The following UTP11 variants were observed in gnomAD, a reference collection of about 807,000 sequenced individuals.
UTP11 encodes the protein probable U3 small nucleolar RNA-associated protein 11.
Under a neutral mutation model 39.0 loss-of-function variants are expected in UTP11, and 29 were observed. The ratio of observed to expected loss-of-function variants is 0.74; its 90% confidence interval spans 0.55 to 1.01. The LOEUF is 1.01. Among genes scored for constraint, UTP11 ranks in the 50% least tolerant of loss-of-function variants. The pLI, the probability that UTP11 is intolerant of heterozygous loss-of-function variation, is 0.00. For missense variants in UTP11, 281 were observed against 306.0 expected (o/e 0.92, Z 0.61); for synonymous variants, 111 against 105.0 (o/e 1.06, Z -0.35).
intron 1 of UTP11, among the ~76,000 whole-genome samples, chr1:38,013,439 C>T (rs1646689344): frequency 6.6e-6 from 1 of 152,184 alleles, no homozygotes. Flanking sequence ...CAGTTACAAA[C>T]ACCAGATTCA....
At position 38,017,396 on chromosome 1, in the gene UTP11, A is replaced by G. The variant is rs1221382858; in HGVS notation, c.126-272A>G. 10 of 286,354 alleles carry G rather than the reference A, an allele frequency of 3.5e-5. No homozygotes were observed. The East Asian group carries it at 3.9e-4, about 11-fold the overall frequency. 17.7% of individuals were successfully genotyped at this position (286,354 alleles called of 1,614,324 possible). On this transcript the variant is annotated intron_variant, in intron 2 of 7. Transcript: ENST00000373014. ...GTTTGGTGTCTCCCTGTAATGATAT[A>G]AATGGCACTGAAACATATATAGGCT...
intron 1 of UTP11, among the ~76,000 whole-genome samples, chr1:38,016,020 T>C (rs1307415203): frequency 1.3e-5 from 2 of 152,242 alleles, no homozygotes; most frequent in Non-Finnish European, 2.9e-5. Flanking sequence ...TGTTTTCCCT[T>C]TGTAGTATTT....
At chr1:38,017,907 C>A in intron 3 of UTP11, 137 bp downstream of exon 3, 2 of 725,334 alleles carry the variant, frequency 2.8e-6, no homozygotes, top group Non-Finnish European at 2.3e-6. Flanking sequence ...GGTCAGTGTC[C>A]AAGGCAAACC....
intron 3 of UTP11, among the ~76,000 whole-genome samples, chr1:38,018,253 T>C (rs1216083373): frequency 1.3e-5 from 2 of 152,050 alleles, no homozygotes; most frequent in African/African-American, 2.4e-5. Context: ...GTATTTTTAG[T>C]AGAGACGGGG....
chr1:38,013,951 G>A (rs1199078291), intron 1 of UTP11, among the ~76,000 whole-genome samples: 2 of 152,188 alleles, frequency 1.3e-5, no homozygotes, highest in Non-Finnish European at 2.9e-5. Flanking sequence ...CTGACCTCTG[G>A]TGATCCACCC....
intron 4 of UTP11, among the ~76,000 whole-genome samples, 184 bp from the exon 5 acceptor site, chr1:38,018,875 C>T (rs1177147868): frequency 6.6e-6 from 1 of 152,142 alleles, no homozygotes; most frequent in South Asian, 2.1e-4. Flanking sequence ...GGATTAAGTG[C>T]GTCTTGGGAA....
chr1:38,018,466 T>C lies in UTP11; in HGVS notation c.231T>C (p.Asp77=). 3 of 1,603,852 alleles carry C rather than the reference T, an allele frequency of 1.9e-6. No individual in the cohort carries two copies. The highest frequency in any genetic ancestry group is 2.6e-6 in the Non-Finnish European group (3 of 1,174,110). Residue 77 remains aspartate, a splice_region_variant and synonymous_variant, in exon 4 of 8, where the codon GAT becomes GAC. Coordinates refer to ENST00000373014, the MANE Select transcript of UTP11 (RefSeq NM_016037.4). ...TATCTTTTAAATTTGGATTTTAGGA[T>C]GGAGTACATATTATTAAGGAGACTA... ...YYKMTRVKLQ[D]GVHIIKETKE... is the part of the protein sequence containing the mutation.
chr1:38,016,207 T>C (rs1646706171), intron 1 of UTP11, 152 bp from the exon 2 acceptor site: 2 of 725,644 alleles, frequency 2.8e-6, no homozygotes, highest in African/African-American at 3.5e-5. Context: ...AGCCCAGTTG[T>C]GGGGAGGGGA....
chr1:38,019,892 G>A (rs1396552586), intron 6 of UTP11, among the ~76,000 whole-genome samples: 1 of 152,156 alleles, frequency 6.6e-6, no homozygotes, highest in Non-Finnish European at 1.5e-5. Flanking sequence ...TAATTTCTAT[G>A]ATCGGAGGAG....
At chr1:38,015,635 AT>A (rs1320882974) in intron 1 of UTP11, among the ~76,000 whole-genome samples, 1 of 152,232 alleles carries the variant, frequency 6.6e-6, no homozygotes, top group East Asian at 1.9e-4. Flanking sequence ...AAATGGTAGT[AT>A]GTAGAAGGAT....
rs1397397287 is a variant in UTP11 at position 38,024,292 on chromosome 1, C to A, written c.*664C>A. 6.6e-6 allele frequency: 1 copy of A among 152,126 alleles called. No homozygotes were observed. Among genetic ancestry groups the A allele is most frequent in the East Asian group, 1.9e-4 (1 of 5,204 alleles). The allele number at this position is 152,126 out of a possible 1,614,324, so 9.4% of individuals were successfully genotyped here. ...CTAGAGCTGTGGAGGTGGACAATTA[C>A]TGTGAGTAGTCTAGTTGATTTCCTC... On this transcript the variant is annotated 3_prime_UTR_variant, in exon 8 of 8. Coordinates refer to ENST00000373014, the MANE Select transcript of UTP11 (RefSeq NM_016037.4).
intron 1 of UTP11, among the ~76,000 whole-genome samples, chr1:38,014,077 G>A (rs1348083628): frequency 6.6e-6 from 1 of 152,156 alleles, no homozygotes; most frequent in Non-Finnish European, 1.5e-5. Context: ...TTTTACAATT[G>A]TCTCATGTAA....
intron 3 of UTP11, among the ~76,000 whole-genome samples, chr1:38,018,196 G>A (rs1287717565): frequency 1.3e-5 from 2 of 151,702 alleles, no homozygotes; most frequent in Non-Finnish European, 2.9e-5. Flanking sequence ...TCAGCCTCTC[G>A]AGTAGCTGAA....
chr1:38,023,460 A>G, intron 7 of UTP11, 85 bp from the exon 8 acceptor site: 1 of 1,176,642 alleles, frequency 8.5e-7, no homozygotes, highest in Non-Finnish European at 1.2e-6. Flanking sequence ...GGGCTGAAGC[A>G]GGTGCTAATA....
intron 2 of UTP11, 26 bp from the exon 3 acceptor site, chr1:38,017,642 T>C (rs1397275900): frequency 1.5e-6 from 2 of 1,355,370 alleles, no homozygotes; most frequent in Admixed American, 2.6e-5. Flanking sequence ...TTTTTTGCTA[T>C]GAACCTCATT....
At chr1:38,012,901 G>A in intron 1 of UTP11, 36 bp downstream of exon 1, 1 of 1,613,832 alleles carries the variant, frequency 6.2e-7, no homozygotes, top group East Asian at 2.2e-5. Context: ...GCTGGCCTTT[G>A]TCGCCATGTG....
intron 5 of UTP11, 24 bp from the exon 6 acceptor site, chr1:38,019,229 C>G (rs766456333): frequency 6.2e-7 from 1 of 1,614,040 alleles, no homozygotes; most frequent in African/African-American, 1.3e-5. Context: ...CCGACAGTGC[C>G]TTAAGGATTG....
rs117766614 is a variant in UTP11 at position 38,022,126 on chromosome 1, C to A, written c.568-573C>A. Among the ~76,000 whole-genome samples the A allele has an allele frequency of 9.8e-4, 149 of 152,280 alleles. 1 individual carries two copies. In the East Asian group the frequency reaches 0.028, roughly 28 times the overall value. On this transcript the variant is annotated intron_variant, in intron 6 of 7. Transcript: ENST00000373014. ...CGACTCTTCTGTTGCTCTCCATTCA[C>A]TTTGTATAGGGTTTCCAACACTGAT...
intron 6 of UTP11, among the ~76,000 whole-genome samples, chr1:38,021,262 A>G (rs1646736356): frequency 6.6e-6 from 1 of 152,206 alleles, no homozygotes; most frequent in Non-Finnish European, 1.5e-5. Context: ...GACGCTTCTC[A>G]AGAATTGTGG....
Sources: allele counts gnomAD v4.1 joint callset (sites outside exome capture counted in the v4.1 genomes callset), GRCh38; gene constraint gnomAD v4.1.1; transcripts MANE v1.5; gene names NCBI Gene and HGNC (gene_info 2026-07-23, HGNC 2026-07-21).